TSHZ1: variants seen among roughly 807,000 people sequenced by gnomAD.
TSHZ1 encodes teashirt homolog 1.
TSHZ1 carries 12 observed loss-of-function variants against 67.1 expected under a neutral mutation model. The observed-to-expected ratio is 0.18, with a 90% CI of 0.11 to 0.29. TSHZ1 has a LOEUF of 0.29. TSHZ1 is among the 10% of genes least tolerant of loss of function. TSHZ1 has a pLI of 1.00. For missense variants in TSHZ1, 1,305 were observed against 1,413.9 expected (o/e 0.92, Z 1.23); for synonymous variants, 632 against 622.4 (o/e 1.02, Z -0.23).
intron 1 of TSHZ1, among the ~76,000 whole-genome samples, chr18:75,245,923 T>A (rs1358132918): frequency 6.6e-6 from 1 of 152,226 alleles, no homozygotes; most frequent in Non-Finnish European, 1.5e-5. Context: ...CTGATTAGTC[T>A]TAGTGTTAAA....
chr18:75,216,016 G>C (rs1364673263), intron 1 of TSHZ1, among the ~76,000 whole-genome samples: 1 of 151,786 alleles, frequency 6.6e-6, no homozygotes, highest in East Asian at 1.9e-4. Context: ...GGGGAGGGGG[G>C]CTGGTCAGTT....
rs12970790 is a variant in TSHZ1, at chr18:75,285,942, T to C, written c.535T>C (p.Cys179Arg). 1 of 1,417,698 alleles carries C rather than the reference T, an allele frequency of 7.1e-7. No homozygotes were observed. Among genetic ancestry groups the C allele is most frequent in the South Asian group, 1.2e-5 (1 of 83,430 alleles). The allele number at this position is 1,417,698 out of a possible 1,614,324, so 87.8% of individuals were successfully genotyped here. A position where few individuals can be genotyped will look rare whatever the true frequency, so the allele number is the denominator to read the frequency against. Residue 179 changes from cysteine to arginine, a missense_variant, in exon 2 of 2, where the codon TGC becomes CGC. Physicochemically the swap from Cys to Arg is radical, Grantham distance 180. This residue lies in a region of TSHZ1 where 358 missense variants were observed against 375.6 expected (regional missense o/e 0.95). Coordinates refer to ENST00000580243, the MANE Select transcript of TSHZ1 (RefSeq NM_001308210.2). ...GPTTSTPSTS[C>R]SSSTSHSSTT... is the part of the protein sequence containing the mutation. ...CACCACGAGCACGCCCAGCACCAGC[T>C]GCAGCTCCAGCACCAGCCACAGCAG...
chr18:75,275,609 G>A (rs754125475), intron 1 of TSHZ1, among the ~76,000 whole-genome samples: 35 of 152,046 alleles, frequency 2.3e-4, no homozygotes, highest in Non-Finnish European at 3.7e-4. Flanking sequence ...TCCTTTTTTC[G>A]TTTCAGGGGG....
chr18:75,256,005 C>CATAGGGAT, intron 1 of TSHZ1, among the ~76,000 whole-genome samples: 1 of 151,972 alleles, frequency 6.6e-6, no homozygotes, highest in Admixed American at 6.6e-5. Flanking sequence ...GGATATTGGC[C>CATAGGGAT]AAGGCAAGAA....
chr18:75,287,388 A>C lies in TSHZ1; in HGVS notation c.1981A>C (p.Lys661Gln), dbSNP rs2023789567. The change falls in exon 2 of 2, where the codon AAG becomes CAG. Residue 661 changes from lysine (K) to glutamine (Q), a missense_variant. Coordinates refer to ENST00000580243, the MANE Select transcript of TSHZ1 (RefSeq NM_001308210.2). This position sits in a 1 kb window ranked among gnomAD's most constrained non-coding sequence, Gnocchi z 5.0. ...CAAGAAGGAGGAGAGACCCCCTGAG[A>C]AGGAGAAGAGCTCCCTGGCCAAGGC... Reference protein sequence around the residue: ...NIKKEERPPEKEKSSLAKAAS... With the variant: ...NIKKEERPPEQEKSSLAKAAS... The C allele has an allele frequency of 6.2e-7, 1 of 1,613,982 alleles. No homozygotes were observed. Among genetic ancestry groups the C allele is most frequent in the Non-Finnish European group, 8.5e-7 (1 of 1,180,032 alleles).
Position 75,288,409 on chromosome 18 carries a change from C to T in TSHZ1, c.3002C>T (p.Ser1001Phe). Residue 1001 changes from serine to phenylalanine, a missense_variant, in exon 2 of 2, where the codon TCC becomes TTC. By Grantham distance (155) the Ser-to-Phe change is radical. This residue lies in a region of TSHZ1 where 909 missense variants were observed against 961.8 expected (regional missense o/e 0.95). Transcript: ENST00000580243. This position sits in a 1 kb window ranked among gnomAD's most constrained non-coding sequence, Gnocchi z 4.9. Reference protein sequence around the residue: ...THLGFSLKDLSKLPLNQIQEQ... With the variant: ...THLGFSLKDLFKLPLNQIQEQ... ...TTGGGCTTCAGCCTGAAGGATCTCT[C>T]CAAGCTGCCACTCAATCAGATTCAA... 6.2e-7 allele frequency: 1 copy of T among 1,614,210 alleles called. No individual in the cohort carries two copies. Among genetic ancestry groups the T allele is most frequent in the Non-Finnish European group, 8.5e-7 (1 of 1,180,044 alleles).
At chr18:75,234,709 ATATTTC>A (rs2023045121) in intron 1 of TSHZ1, among the ~76,000 whole-genome samples, 1 of 152,074 alleles carries the variant, frequency 6.6e-6, no homozygotes, top group Non-Finnish European at 1.5e-5. Flanking sequence ...GAGGTTGTGG[ATATTTC>A]TATTAACTTT....
intron 1 of TSHZ1, among the ~76,000 whole-genome samples, chr18:75,223,115 T>C (rs1428448160): frequency 2.0e-5 from 3 of 152,178 alleles, no homozygotes; most frequent in Non-Finnish European, 2.9e-5. Context: ...ATAATACATT[T>C]ATTCCTCCGT....
At chr18:75,222,950 T>C (rs1186847791) in intron 1 of TSHZ1, among the ~76,000 whole-genome samples, 1 of 152,226 alleles carries the variant, frequency 6.6e-6, no homozygotes, top group African/African-American at 2.4e-5. Flanking sequence ...AATTTGTTTA[T>C]AGACATATTT....
At chr18:75,253,930 A>G (rs1451499861) in intron 1 of TSHZ1, among the ~76,000 whole-genome samples, 1 of 152,250 alleles carries the variant, frequency 6.6e-6, no homozygotes, top group Non-Finnish European at 1.5e-5. Context: ...CTTTAAAAAC[A>G]TATAAAATCA....
intron 1 of TSHZ1, among the ~76,000 whole-genome samples, chr18:75,262,289 A>C (rs1568363159): frequency 6.6e-6 from 1 of 152,018 alleles, no homozygotes; most frequent in African/African-American, 2.4e-5. Context: ...ACAAACAAAC[A>C]AAAGACCATG....
At chr18:75,230,622 T>C (rs981771360) in intron 1 of TSHZ1, among the ~76,000 whole-genome samples, 3 of 152,230 alleles carry the variant, frequency 2.0e-5, no homozygotes, top group African/African-American at 7.2e-5. Flanking sequence ...AGCAGCTGTT[T>C]GCTTTGAATC....
intron 1 of TSHZ1, among the ~76,000 whole-genome samples, chr18:75,234,619 T>C (rs2023043632): frequency 6.6e-6 from 1 of 152,142 alleles, no homozygotes; most frequent in South Asian, 2.1e-4. Context: ...ATTTTGCATC[T>C]TTTGTATATG....
chr18:75,277,510 G>C (rs764278207), intron 1 of TSHZ1, among the ~76,000 whole-genome samples: 1 of 152,146 alleles, frequency 6.6e-6, no homozygotes, highest in African/African-American at 2.4e-5. Flanking sequence ...ACAGTTCTGG[G>C]CTTGGGAGGT....
intron 1 of TSHZ1, among the ~76,000 whole-genome samples, chr18:75,274,906 G>T (rs983981893): frequency 6.6e-6 from 1 of 152,214 alleles, no homozygotes; most frequent in South Asian, 2.1e-4. Context: ...AAAGTCAGGT[G>T]TCATGTTACC....
intron 1 of TSHZ1, among the ~76,000 whole-genome samples, chr18:75,217,696 T>C (rs746282958): frequency 5.7e-4 from 87 of 152,214 alleles, no homozygotes; most frequent in Non-Finnish European, 9.7e-4. Flanking sequence ...ATGCAAAATA[T>C]TATGTATATG....
At chr18:75,262,429 A>G (rs2023441785) in intron 1 of TSHZ1, among the ~76,000 whole-genome samples, 1 of 152,116 alleles carries the variant, frequency 6.6e-6, no homozygotes, top group African/African-American at 2.4e-5. Context: ...TGTGCCAAGC[A>G]TTGTTACAGG....
chr18:75,215,540 AC>A (rs1372746673), intron 1 of TSHZ1, among the ~76,000 whole-genome samples: 3 of 152,126 alleles, frequency 2.0e-5, no homozygotes, highest in Non-Finnish European at 4.4e-5. Flanking sequence ...TAGATTCAAC[AC>A]CCCAGTTGTA....
At chr18:75,267,904 T>A (rs1419178229) in intron 1 of TSHZ1, among the ~76,000 whole-genome samples, 1 of 152,044 alleles carries the variant, frequency 6.6e-6, no homozygotes, top group Non-Finnish European at 1.5e-5. Context: ...AGGGACAAGG[T>A]CAGAATTTCC....
Sources: allele counts gnomAD v4.1 joint callset (sites outside exome capture counted in the v4.1 genomes callset), GRCh38; gene constraint gnomAD v4.1.1; regional missense constraint gnomAD v4.1.1; non-coding constraint Gnocchi (gnomAD v3.1); transcripts MANE v1.5; gene names NCBI Gene and HGNC (gene_info 2026-07-23, HGNC 2026-07-21).